The following ADAMTSL1 variants were observed in gnomAD, a reference collection of about 807,000 sequenced individuals.
The protein encoded by ADAMTSL1 is ADAMTS like 1.
A neutral mutation model predicts 201.8 loss-of-function variants in ADAMTSL1; 126 were observed. The ratio of observed to expected loss-of-function variants is 0.62; its 90% confidence interval spans 0.54 to 0.72. The LOEUF (loss-of-function observed/expected upper bound fraction) is 0.72. Among genes scored for constraint, ADAMTSL1 ranks in the 30% least tolerant of loss-of-function variants. The probability of loss-of-function intolerance (pLI) is 0.00; values close to 1 mark genes in which losing one functional copy is unlikely to be tolerated. For missense variants in ADAMTSL1, 2,679 were observed against 2,277.8 expected (o/e 1.18, Z -3.59); for synonymous variants, 1,121 against 903.4 (o/e 1.24, Z -4.32).
intron 2 of ADAMTSL1, among the ~76,000 whole-genome samples, chr9:18,302,839 T>A (rs1366864032): frequency 6.6e-6 from 1 of 152,216 alleles, no homozygotes; most frequent in East Asian, 1.9e-4. Flanking sequence ...TTTTTAACTT[T>A]AAAATGTTAC....
At chr9:18,069,687 G>T (rs970753173) in intron 1 of ADAMTSL1, among the ~76,000 whole-genome samples, 1 of 152,088 alleles carries the variant, frequency 6.6e-6, no homozygotes, top group Admixed American at 6.5e-5. Flanking sequence ...TGATCTGATT[G>T]GATTTATCTT....
chr9:18,353,608 G>C (rs1363805256), intron 2 of ADAMTSL1, among the ~76,000 whole-genome samples: 1 of 152,136 alleles, frequency 6.6e-6, no homozygotes, highest in Non-Finnish European at 1.5e-5. Flanking sequence ...GGCCCATAAA[G>C]CTGTAACTTA....
intron 19 of ADAMTSL1, among the ~76,000 whole-genome samples, chr9:18,782,765 C>A (rs554851268): frequency 6.6e-6 from 1 of 152,272 alleles, no homozygotes; most frequent in East Asian, 1.9e-4. Flanking sequence ...TGAATGATGA[C>A]CAGTGCCCAG....
At chr9:18,280,333 G>T (rs1181381020) in intron 2 of ADAMTSL1, among the ~76,000 whole-genome samples, 1 of 151,660 alleles carries the variant, frequency 6.6e-6, no homozygotes, top group South Asian at 2.1e-4. Flanking sequence ...GCCTAAGGGG[G>T]TGGCTTGGCA....
At chr9:18,613,908 G>C (rs150072656) in intron 4 of ADAMTSL1, among the ~76,000 whole-genome samples, 2 of 152,128 alleles carry the variant, frequency 1.3e-5, no homozygotes. Context: ...TAAATATTAT[G>C]ACTGAGGAGA....
In ADAMTSL1 at chr9:18,777,176, G is replaced by C; in HGVS notation, c.2947G>C (p.Gly983Arg). Residue 983 changes from glycine to arginine, a missense_variant, in exon 19 of 29, where the codon GGG becomes CGG. Gly to Arg is a moderately radical substitution (Grantham distance 125, BLOSUM62 -2). Coordinates refer to ENST00000380548, the MANE Select transcript of ADAMTSL1 (RefSeq NM_001040272.6). ...GAGAAGTGAGGAAGAGGTGCTTGCG[G>C]GGAGGAAGGGCGGCCCGAAGGAGGC... ...SPRSEEEVLAGRKGGPKEALQ... is the reference protein window; with the variant it reads ...SPRSEEEVLARRKGGPKEALQ... 6.2e-7 allele frequency: 1 copy of C among 1,612,918 alleles called. No homozygotes were observed. Among genetic ancestry groups the C allele is most frequent in the Non-Finnish European group, 8.5e-7 (1 of 1,179,826 alleles).
At chr9:18,858,182 G>A (rs947797041) in intron 23 of ADAMTSL1, among the ~76,000 whole-genome samples, 2 of 52,272 alleles carry the variant, frequency 3.8e-5, no homozygotes, top group African/African-American at 2.5e-4. Context: ...AACACCACAG[G>A]ATTTATTTTT....
At chr9:18,193,692 T>C (rs78835521) in intron 2 of ADAMTSL1, among the ~76,000 whole-genome samples, 9,566 of 152,196 alleles carry the variant, frequency 0.063, 404 homozygotes, top group Middle Eastern at 0.19. Context: ...GGACAGGCCG[T>C]CTGTTTGGAC....
intron 3 of ADAMTSL1, among the ~76,000 whole-genome samples, chr9:18,551,206 T>G (rs542708488): frequency 2.6e-5 from 4 of 152,008 alleles, no homozygotes; most frequent in Admixed American, 2.6e-4. Flanking sequence ...TCCTTGCCAG[T>G]GCTTGATATT....
intron 23 of ADAMTSL1, among the ~76,000 whole-genome samples, chr9:18,837,400 T>C (rs1259645057): frequency 3.9e-5 from 6 of 152,254 alleles, no homozygotes; most frequent in African/African-American, 1.4e-4. Flanking sequence ...GGAAAATCAA[T>C]TGTTCTTATA....
intron 2 of ADAMTSL1, among the ~76,000 whole-genome samples, chr9:18,350,378 T>TA (rs1413528169): frequency 6.6e-6 from 1 of 152,078 alleles, no homozygotes; most frequent in East Asian, 1.9e-4. Flanking sequence ...GGGCCCAATG[T>TA]AAAAAATCAG....
intron 2 of ADAMTSL1, among the ~76,000 whole-genome samples, chr9:18,179,376 T>A (rs1461185815): frequency 6.6e-6 from 1 of 151,450 alleles, no homozygotes; most frequent in Non-Finnish European, 1.5e-5. Flanking sequence ...TGGGACTACG[T>A]GAAAAGACCA....
chr9:18,506,825 C>T (rs889380233), intron 2 of ADAMTSL1, among the ~76,000 whole-genome samples: 3 of 151,734 alleles, frequency 2.0e-5, no homozygotes, highest in Non-Finnish European at 4.4e-5. Context: ...AAAAATGGGG[C>T]GGAGGTTGAC....
intron 2 of ADAMTSL1, among the ~76,000 whole-genome samples, chr9:18,305,830 A>G (rs1045779962): frequency 1.3e-5 from 2 of 151,944 alleles, no homozygotes; most frequent in African/African-American, 2.4e-5. Flanking sequence ...AGAGCAGTGG[A>G]TCACGCAGCA....
In ADAMTSL1 at chr9:18,601,311, A is replaced by T. The variant is rs113515311; in HGVS notation, c.475-20932A>T. 2.5e-3 allele frequency among the ~76,000 whole-genome samples: 378 copies of T among 152,360 alleles called. 4 individuals carry two copies. The highest frequency in any genetic ancestry group is 8.8e-3 in the African/African-American group (364 of 41,590). ...CAACTATGTATTTAGCAAAATAAGT[A>T]TTGGGCAACTAGAACCAAACAGAAA... On this transcript the variant is annotated intron_variant, in intron 4 of 28. Coordinates refer to ENST00000380548, the MANE Select transcript of ADAMTSL1 (RefSeq NM_001040272.6).
At chr9:18,908,025 G>A (rs992047527) in intron 28 of ADAMTSL1, 1 of 235,754 alleles carries the variant, frequency 4.2e-6, no homozygotes, top group African/African-American at 2.3e-5. Flanking sequence ...ATGCAGTGCT[G>A]GGAACCATCT....
At position 18,622,200 on chromosome 9, in the gene ADAMTSL1, C is replaced by T. The variant is rs183983052; in HGVS notation, c.475-43C>T. ...TTGGCCTCATAATGGATTTTGCCATCGGTAGGTGCTTGGTTGAATTACACA... is the reference window on the plus strand; with the variant it reads ...TTGGCCTCATAATGGATTTTGCCATTGGTAGGTGCTTGGTTGAATTACACA... On this transcript the variant is annotated intron_variant, in intron 4 of 28. Transcript: ENST00000380548. 313 of 1,600,018 alleles carry T rather than the reference C, an allele frequency of 2.0e-4. 2 individuals carry two copies. The highest frequency in any genetic ancestry group is 8.1e-4 in the East Asian group (36 of 44,690).
chr9:18,349,514 A>G (rs1835867846), intron 2 of ADAMTSL1, among the ~76,000 whole-genome samples: 2 of 152,316 alleles, frequency 1.3e-5, no homozygotes, highest in Admixed American at 6.5e-5. Flanking sequence ...TTAAAAGAAT[A>G]TGATAAACCT....
chr9:17,926,475 C>A (rs888107560), intron 1 of ADAMTSL1, among the ~76,000 whole-genome samples: 6 of 152,156 alleles, frequency 3.9e-5, no homozygotes, highest in African/African-American at 1.4e-4. Context: ...ACGGCAGCTC[C>A]ATCTCAACCC....
Sources: gnomAD v4.1 joint callset for allele counts (sites outside exome capture counted in the v4.1 genomes callset) on GRCh38, gnomAD v4.1.1 for gene constraint, MANE v1.5 for transcripts, NCBI Gene and HGNC (gene_info 2026-07-23, HGNC 2026-07-21) for gene names.